LRRIQ3: variants seen among roughly 807,000 people sequenced by gnomAD.
LRRIQ3 encodes the protein leucine-rich repeat and IQ domain-containing protein 3.
Under a neutral mutation model 59.3 loss-of-function variants are expected in LRRIQ3, and 75 were observed. That is an observed-to-expected ratio of 1.26 (90% CI 1.05 to 1.53). The LOEUF (loss-of-function observed/expected upper bound fraction) is 1.53, where lower values mean the gene tolerates loss of function less well. LRRIQ3 is among the 40% of genes most tolerant of loss of function. LRRIQ3 has a pLI of 0.00. For synonymous variants in LRRIQ3, 250 were observed against 231.3 expected (o/e 1.08, Z -0.73); for missense variants, 831 against 710.0 (o/e 1.17, Z -1.94).
chr1:74,113,665 A>G (rs558310437), intron 4 of LRRIQ3, among the ~76,000 whole-genome samples: 2 of 152,176 alleles, frequency 1.3e-5, no homozygotes, highest in South Asian at 4.1e-4. Context: ...TTCAATTAAC[A>G]ATCTTAAATC....
chr1:74,089,679 G>A (rs1646374537), intron 5 of LRRIQ3, among the ~76,000 whole-genome samples: 1 of 151,934 alleles, frequency 6.6e-6, no homozygotes, highest in Non-Finnish European at 1.5e-5. Context: ...TGTTCCCAGG[G>A]GCTGTAGAGA....
At chr1:74,167,687 C>A (rs1442462698) in intron 3 of LRRIQ3, among the ~76,000 whole-genome samples, 1 of 151,310 alleles carries the variant, frequency 6.6e-6, no homozygotes, top group Non-Finnish European at 1.5e-5. Context: ...ATGGGAGCAC[C>A]AAAATCTCAG....
At chr1:74,119,946 C>CA (rs1238397701) in intron 4 of LRRIQ3, among the ~76,000 whole-genome samples, 1 of 151,968 alleles carries the variant, frequency 6.6e-6, no homozygotes, top group African/African-American at 2.4e-5. Context: ...AGTATCTCTA[C>CA]AAAAACAAGA....
intron 4 of LRRIQ3, among the ~76,000 whole-genome samples, chr1:74,152,641 G>C (rs1159176439): frequency 6.6e-6 from 1 of 152,146 alleles, no homozygotes; most frequent in African/African-American, 2.4e-5. Flanking sequence ...ATGATGGAAA[G>C]AATAATCCAT....
chr1:74,035,454 T>C (rs1347477691), intron 7 of LRRIQ3, among the ~76,000 whole-genome samples: 1 of 152,134 alleles, frequency 6.6e-6, no homozygotes, highest in Non-Finnish European at 1.5e-5. Flanking sequence ...ATTAATAAAA[T>C]TTAAATTGAC....
At chr1:74,158,998 T>C (rs1299977188) in intron 3 of LRRIQ3, among the ~76,000 whole-genome samples, 6 of 152,126 alleles carry the variant, frequency 3.9e-5, no homozygotes, top group African/African-American at 9.7e-5. Flanking sequence ...CTCTTAAGAA[T>C]AGGTTTTTCT....
At chr1:74,060,729 G>T (rs972435484) in intron 6 of LRRIQ3, among the ~76,000 whole-genome samples, 5 of 152,020 alleles carry the variant, frequency 3.3e-5, no homozygotes, top group Non-Finnish European at 5.9e-5. Flanking sequence ...CCAAAAAAAG[G>T]TAGGAGGAAC....
chr1:74,127,061 G>T (rs979426129), intron 4 of LRRIQ3, among the ~76,000 whole-genome samples: 3 of 151,730 alleles, frequency 2.0e-5, no homozygotes, highest in African/African-American at 7.3e-5. Flanking sequence ...ATTTAAAATT[G>T]TTATATCCCC....
chr1:74,073,563 C>A lies in LRRIQ3; in HGVS notation c.997+1098G>T, dbSNP rs577858609. Among the ~76,000 whole-genome samples the A allele has an allele frequency of 2.4e-3, 356 of 151,370 alleles. 1 individual carries two copies. The highest frequency in any genetic ancestry group is 3.1e-3 in the Non-Finnish European group (212 of 67,866). On this transcript the variant is annotated intron_variant, in intron 6 of 7. Coordinates refer to ENST00000354431, the MANE Select transcript of LRRIQ3 (RefSeq NM_001105659.2). ...AAACAAAATAAAAAGACCACACACA[C>A]AAAGGCTTTTCAGCTGGCCTTCAAC...
intron 4 of LRRIQ3, among the ~76,000 whole-genome samples, chr1:74,144,868 C>A (rs1647463484): frequency 6.6e-6 from 1 of 151,526 alleles, no homozygotes; most frequent in South Asian, 2.1e-4. Flanking sequence ...ACATTTTTCT[C>A]CCATATGGCC....
chr1:74,067,616 A>G (rs1399552323), intron 6 of LRRIQ3, among the ~76,000 whole-genome samples: 2 of 152,092 alleles, frequency 1.3e-5, no homozygotes, highest in Non-Finnish European at 2.9e-5. Flanking sequence ...GTGGTTGATC[A>G]CAGTAAAAAT....
intron 4 of LRRIQ3, among the ~76,000 whole-genome samples, chr1:74,111,823 G>A (rs748307160): frequency 2.0e-5 from 3 of 151,984 alleles, no homozygotes; most frequent in Non-Finnish European, 4.4e-5. Flanking sequence ...CAAGAACATA[G>A]GATCCCTCTA....
At chr1:74,118,539 C>T (rs912190270) in intron 4 of LRRIQ3, among the ~76,000 whole-genome samples, 9 of 151,984 alleles carry the variant, frequency 5.9e-5, no homozygotes, top group Non-Finnish European at 1.0e-4. Context: ...CTTTCTCTCT[C>T]GGTCTCTTCC....
At chr1:74,101,852 T>C (rs1204012896) in intron 5 of LRRIQ3, among the ~76,000 whole-genome samples, 1 of 151,970 alleles carries the variant, frequency 6.6e-6, no homozygotes, top group African/African-American at 2.4e-5. Flanking sequence ...AGATGGGAAT[T>C]GAACAATGAG....
chr1:74,054,278 G>A (rs1303589041), intron 6 of LRRIQ3, among the ~76,000 whole-genome samples: 1 of 151,696 alleles, frequency 6.6e-6, no homozygotes, highest in African/African-American at 2.4e-5. Flanking sequence ...AATCTAAAAA[G>A]GCTACATACT....
intron 4 of LRRIQ3, among the ~76,000 whole-genome samples, chr1:74,130,308 G>T (rs939173065): frequency 3.9e-5 from 6 of 152,072 alleles, no homozygotes; most frequent in African/African-American, 1.4e-4. Context: ...CTTCCCTATG[G>T]CTATGGCTGA....
At chr1:74,194,893 T>C (rs1651001670) in intron 1 of LRRIQ3, among the ~76,000 whole-genome samples, 1 of 152,174 alleles carries the variant, frequency 6.6e-6, no homozygotes, top group Admixed American at 6.5e-5. Context: ...TCTACTAATT[T>C]ATATTCTTCA....
chr1:74,132,047 A>T (rs1367073374), intron 4 of LRRIQ3, among the ~76,000 whole-genome samples: 1 of 152,172 alleles, frequency 6.6e-6, no homozygotes, highest in East Asian at 1.9e-4. Context: ...TACAAAATCA[A>T]TGTGCAAATA....
intron 5 of LRRIQ3, among the ~76,000 whole-genome samples, chr1:74,080,641 A>G (rs1646263569): frequency 6.6e-6 from 1 of 151,698 alleles, no homozygotes; most frequent in African/African-American, 2.4e-5. Context: ...TTGTTTTCAC[A>G]TTCTGAATGA....
Sources: allele counts gnomAD v4.1 joint callset (sites outside exome capture counted in the v4.1 genomes callset), GRCh38; gene constraint gnomAD v4.1.1; transcripts MANE v1.5; gene names NCBI Gene and HGNC (gene_info 2026-07-23, HGNC 2026-07-21).